Variants in DLG2 observed in about 807,000 individuals in gnomAD.
DLG2 encodes discs large MAGUK scaffold protein 2.
In DLG2, 45 loss-of-function variants were observed where a neutral mutation model predicts 132.5. The observed-to-expected ratio is 0.34, with a 90% CI of 0.27 to 0.44. The LOEUF is 0.44. Among genes scored for constraint, DLG2 ranks in the 20% least tolerant of loss-of-function variants. The probability of loss-of-function intolerance (pLI) is 1.00; values close to 1 mark genes in which losing one functional copy is unlikely to be tolerated. For synonymous variants in DLG2, 424 were observed against 419.6 expected, an observed-to-expected ratio of 1.01 and a Z score of -0.13; for missense variants, 1,045 against 1,196.9, an observed-to-expected ratio of 0.87 and a Z score of 1.87.
At chr11:83,678,638 G>GA (rs1234643633) in intron 18 of DLG2, among the ~76,000 whole-genome samples, 1 of 152,002 alleles carries the variant, frequency 6.6e-6, no homozygotes, top group Non-Finnish European at 1.5e-5. Flanking sequence ...AATGTTTGGG[G>GA]AAAAAATTAT....
chr11:85,616,483 T>G (rs1057217530), intron 2 of DLG2, among the ~76,000 whole-genome samples: 13 of 152,186 alleles, frequency 8.5e-5, no homozygotes, highest in Admixed American at 8.5e-4. Context: ...TCCCATTTCC[T>G]TTTTTCTCAT....
At chr11:85,357,079 A>G (rs1403734367) in intron 3 of DLG2, among the ~76,000 whole-genome samples, 1 of 152,142 alleles carries the variant, frequency 6.6e-6, no homozygotes, top group African/African-American at 2.4e-5. Context: ...GTAGGTGCTC[A>G]ATAAATTGTA....
At chr11:85,274,718 G>A (rs866563642) in intron 4 of DLG2, among the ~76,000 whole-genome samples, 11 of 152,132 alleles carry the variant, frequency 7.2e-5, no homozygotes, top group South Asian at 2.1e-4. Flanking sequence ...TTCCTCCAAA[G>A]CCAGCCATAA....
chr11:83,577,230 T>C (rs2096886916), intron 19 of DLG2, among the ~76,000 whole-genome samples: 1 of 151,968 alleles, frequency 6.6e-6, no homozygotes, highest in African/African-American at 2.4e-5. Context: ...GGACTGGCTC[T>C]CCTTGCTCCT....
intron 6 of DLG2, among the ~76,000 whole-genome samples, chr11:84,906,908 T>C (rs2091581367): frequency 2.0e-5 from 3 of 152,168 alleles, no homozygotes; most frequent in African/African-American, 7.2e-5. Flanking sequence ...AATGAGGGTA[T>C]CAGTATACAC....
intron 6 of DLG2, among the ~76,000 whole-genome samples, chr11:84,754,584 T>C (rs1412296863): frequency 6.6e-6 from 1 of 152,026 alleles, no homozygotes; most frequent in Non-Finnish European, 1.5e-5. Context: ...ATAAATAAAA[T>C]AGCAAAACCA....
intron 6 of DLG2, 159 bp from the exon 7 acceptor site, chr11:84,534,890 T>A: frequency 2.4e-6 from 2 of 837,858 alleles, no homozygotes; most frequent in East Asian, 2.4e-5. Flanking sequence ...GCGGTCACCA[T>A]AGACCAGGTC....
At chr11:84,111,940 C>T (rs1310966070) in intron 9 of DLG2, among the ~76,000 whole-genome samples, 1 of 152,136 alleles carries the variant, frequency 6.6e-6, no homozygotes, top group East Asian at 1.9e-4. Context: ...GCCTCTATTT[C>T]CTCATTTTCT....
intron 3 of DLG2, among the ~76,000 whole-genome samples, chr11:85,536,237 A>T (rs2075572103): frequency 6.6e-6 from 1 of 150,926 alleles, no homozygotes; most frequent in South Asian, 2.1e-4. Flanking sequence ...AAAAAAAAAA[A>T]AGTTTTAAAT....
At chr11:84,785,122 G>T (rs1001272187) in intron 6 of DLG2, among the ~76,000 whole-genome samples, 2 of 151,996 alleles carry the variant, frequency 1.3e-5, no homozygotes, top group Non-Finnish European at 2.9e-5. Flanking sequence ...AAAAAAGTTT[G>T]TTCAGATCAG....
At chr11:85,036,374 G>A (rs1042027160) in intron 6 of DLG2, among the ~76,000 whole-genome samples, 6 of 151,948 alleles carry the variant, frequency 3.9e-5, no homozygotes, top group East Asian at 1.9e-4. Flanking sequence ...GAATGTAGGC[G>A]GGATTTCATC....
At chr11:84,653,996 G>A (rs572022264) in intron 6 of DLG2, among the ~76,000 whole-genome samples, 1 of 152,112 alleles carries the variant, frequency 6.6e-6, no homozygotes, top group African/African-American at 2.4e-5. Context: ...CAGCTTTTCT[G>A]TTTGTAGATG....
At chr11:85,182,553 C>T (rs571152890) in intron 4 of DLG2, among the ~76,000 whole-genome samples, 3 of 151,538 alleles carry the variant, frequency 2.0e-5, no homozygotes, top group Admixed American at 2.0e-4. Flanking sequence ...AGTTTTCTAA[C>T]ATAATTATTT....
intron 7 of DLG2, among the ~76,000 whole-genome samples, chr11:84,443,681 T>C (rs1195541869): frequency 6.6e-6 from 1 of 152,200 alleles, no homozygotes; most frequent in East Asian, 1.9e-4. Flanking sequence ...CATACATTTA[T>C]TGGTTATTTG....
chr11:85,285,151 C>G (rs527647487), intron 4 of DLG2, 69 bp downstream of exon 4: 3 of 1,358,446 alleles, frequency 2.2e-6, no homozygotes, highest in Non-Finnish European at 3.1e-6. Flanking sequence ...ATCACCACTA[C>G]TACCATTACT....
In DLG2 at chr11:84,815,742, T is replaced by A. The variant is rs367914171; in HGVS notation, c.358-281011A>T. Among the ~76,000 whole-genome samples, 46 of 152,146 alleles carry A rather than the reference T, an allele frequency of 3.0e-4. 1 individual carries two copies. In the East Asian group the frequency reaches 4.5e-3, roughly 15 times the overall value. On this transcript the variant is annotated intron_variant, in intron 6 of 27. Coordinates refer to ENST00000376104, the MANE Select transcript of DLG2 (RefSeq NM_001142699.3). ...TTTCAAAGCCATATATAAATGAATC[T>A]TGGATTATCTGCCCCAGTGCTCACA...
chr11:85,050,271 C>G (rs1229675082), intron 6 of DLG2, among the ~76,000 whole-genome samples: 3 of 152,026 alleles, frequency 2.0e-5, no homozygotes, highest in Non-Finnish European at 4.4e-5. Flanking sequence ...TGTCCTATGT[C>G]TTTGCTTGCC....
At chr11:84,735,679 C>T (rs2063738152) in intron 6 of DLG2, among the ~76,000 whole-genome samples, 1 of 152,070 alleles carries the variant, frequency 6.6e-6, no homozygotes, top group Non-Finnish European at 1.5e-5. Context: ...CCTCTGCTAG[C>T]TTTTGAATAT....
At chr11:85,023,285 CA>C (rs1566670883) in intron 6 of DLG2, among the ~76,000 whole-genome samples, 2 of 152,012 alleles carry the variant, frequency 1.3e-5, no homozygotes, top group African/African-American at 4.8e-5. Context: ...CTTACAGTTT[CA>C]ATGTGGATTA....
Sources: allele counts gnomAD v4.1 joint callset (sites outside exome capture counted in the v4.1 genomes callset), GRCh38; gene constraint gnomAD v4.1.1; transcripts MANE v1.5; gene names NCBI Gene and HGNC (gene_info 2026-07-23, HGNC 2026-07-21).